NHSL2: variants seen among roughly 807,000 people sequenced by gnomAD.
NHSL2 encodes NHS like 2.
A neutral mutation model predicts 53.4 loss-of-function variants in NHSL2; 27 were observed. The observed-to-expected ratio is 0.51, with a 90% CI of 0.37 to 0.70. NHSL2 has a LOEUF of 0.70. Ranked by LOEUF, NHSL2 falls within the 30% of genes least tolerant of loss-of-function variation. NHSL2 has a pLI of 0.00. For synonymous variants in NHSL2, 408 were observed against 404.1 expected (o/e 1.01, Z -0.12); for missense variants, 892 against 980.1 (o/e 0.91, Z 1.20).
intron 1 of NHSL2, among the ~76,000 whole-genome samples, chrX:72,011,880 A>G (rs1040900041): frequency 2.7e-5 from 3 of 111,808 alleles, no homozygotes; most frequent in African/African-American, 9.8e-5. Flanking sequence ...GATGTTGAAC[A>G]TTGTTTCATG....
chrX:72,109,223 A>G (rs1316842834), intron 1 of NHSL2, among the ~76,000 whole-genome samples: 2 of 112,058 alleles, frequency 1.8e-5, no homozygotes, highest in Non-Finnish European at 1.9e-5. Flanking sequence ...TGAATGAGCT[A>G]TTTTGGTACC....
intron 1 of NHSL2, among the ~76,000 whole-genome samples, chrX:72,063,530 A>G (rs1452150889): frequency 8.9e-6 from 1 of 112,272 alleles, no homozygotes; most frequent in East Asian, 2.8e-4. Flanking sequence ...GTTTTTAACC[A>G]TCACTGCAGA....
chrX:72,110,248 G>A (rs557000939), intron 1 of NHSL2, among the ~76,000 whole-genome samples: 4 of 111,402 alleles, frequency 3.6e-5, no homozygotes, highest in Non-Finnish European at 7.5e-5. Context: ...GACAGAACCC[G>A]CGTTTTAACA....
At chrX:71,975,711 G>A (rs1246009622) in intron 1 of NHSL2, among the ~76,000 whole-genome samples, 1 of 110,299 alleles carries the variant, frequency 9.1e-6, no homozygotes, top group African/African-American at 3.3e-5. Flanking sequence ...CAGCATCCTG[G>A]TTTGCAGCAG....
chrX:72,072,608 A>G (rs367625376), intron 1 of NHSL2, among the ~76,000 whole-genome samples: 4 of 111,722 alleles, frequency 3.6e-5, no homozygotes, highest in East Asian at 2.8e-4. Flanking sequence ...TCCACCTGCT[A>G]TCTTCTCCTG....
At chrX:72,125,538 G>A (rs1352057888) in intron 1 of NHSL2, among the ~76,000 whole-genome samples, 2 of 111,936 alleles carry the variant, frequency 1.8e-5, no homozygotes, top group South Asian at 3.7e-4. Context: ...TCAGCAGCAA[G>A]GCTGGACTGG....
At chrX:71,994,326 G>GTA (rs1569470225) in intron 1 of NHSL2, among the ~76,000 whole-genome samples, 2 of 107,681 alleles carry the variant, frequency 1.9e-5, no homozygotes, top group Non-Finnish European at 3.8e-5. Flanking sequence ...GTGTGTGTGT[G>GTA]TGTAAAAGTT....
intron 1 of NHSL2, among the ~76,000 whole-genome samples, chrX:72,013,745 C>G (rs181882008): frequency 9.1e-6 from 1 of 110,471 alleles, no homozygotes; most frequent in Non-Finnish European, 1.9e-5. Flanking sequence ...TATGTAGATG[C>G]TCAAGTTAAG....
chrX:72,111,155 G>C (rs1371901615), intron 1 of NHSL2, among the ~76,000 whole-genome samples: 1 of 112,641 alleles, frequency 8.9e-6, no homozygotes, highest in East Asian at 2.8e-4. Context: ...CCTGGAAGAG[G>C]AGGATGAAGG....
At chrX:71,957,304 C>T (rs772498338) in intron 1 of NHSL2, among the ~76,000 whole-genome samples, 2 of 112,237 alleles carry the variant, frequency 1.8e-5, no homozygotes, top group East Asian at 5.6e-4. Context: ...ATGGTGTGAG[C>T]ACGTGCCCCA....
intron 1 of NHSL2, among the ~76,000 whole-genome samples, chrX:72,087,682 CAACATGGTGA>C (rs1218847060): frequency 1.8e-5 from 2 of 109,541 alleles, no homozygotes; most frequent in Admixed American, 9.7e-5. Context: ...CCAGCCTGGC[CAACATGGTGA>C]AACCCCATCT....
At chrX:72,013,711 T>A (rs754571001) in intron 1 of NHSL2, among the ~76,000 whole-genome samples, 93 of 110,461 alleles carry the variant, frequency 8.4e-4, no homozygotes, top group Middle Eastern at 4.6e-3. Context: ...CAGAAAAAAA[T>A]ATATATATAT....
chrX:72,084,113 T>C (rs2041814958), intron 1 of NHSL2, among the ~76,000 whole-genome samples: 1 of 112,600 alleles, frequency 8.9e-6, no homozygotes, highest in African/African-American at 3.2e-5. Flanking sequence ...CATGTCTCTA[T>C]TGTAGCATCT....
chrX:72,061,839 A>C (rs938458730), intron 1 of NHSL2, among the ~76,000 whole-genome samples: 5 of 111,899 alleles, frequency 4.5e-5, no homozygotes, highest in African/African-American at 1.6e-4. Context: ...TCTCAGGCTC[A>C]GTTCTTAGCT....
intron 1 of NHSL2, among the ~76,000 whole-genome samples, chrX:71,959,811 C>CT (rs916811733): frequency 1.4e-4 from 16 of 111,705 alleles, no homozygotes; most frequent in Admixed American, 4.7e-4. Flanking sequence ...ATATCATTCT[C>CT]TTTTTTTTGT....
chrX:72,114,488 C>T (rs955303657), intron 1 of NHSL2, among the ~76,000 whole-genome samples: 1 of 111,342 alleles, frequency 9.0e-6, no homozygotes, highest in Non-Finnish European at 1.9e-5. Flanking sequence ...GATTAGTGTG[C>T]AGGAAGTTTG....
intron 1 of NHSL2, among the ~76,000 whole-genome samples, chrX:71,965,746 A>G (rs138076095): frequency 0.021 from 2,343 of 112,275 alleles, 65 homozygotes; most frequent in African/African-American, 0.072. Context: ...ATGAACGTAG[A>G]CTATCTCCCC....
chrX:72,093,792 CTTT>C (rs2041922221), intron 1 of NHSL2, among the ~76,000 whole-genome samples: 2 of 105,023 alleles, frequency 1.9e-5, no homozygotes, highest in East Asian at 6.0e-4. Context: ...TCCTTTCTTT[CTTT>C]CTTTCAAAAC....
chrX:72,068,661 C>CGTGT (rs1170119620), intron 1 of NHSL2, among the ~76,000 whole-genome samples: 2 of 47,121 alleles, frequency 4.2e-5, no homozygotes, highest in East Asian at 5.3e-4. Context: ...TGTGTGTGTG[C>CGTGT]GTGTGTGTGT....
Sources: allele counts gnomAD v4.1 joint callset (sites outside exome capture counted in the v4.1 genomes callset), GRCh38; gene constraint gnomAD v4.1.1; transcripts MANE v1.5; gene names NCBI Gene and HGNC (gene_info 2026-07-23, HGNC 2026-07-21).